Variants in GNA14 observed in about 807,000 individuals in gnomAD.
The protein encoded by GNA14 is guanine nucleotide-binding protein subunit alpha-14.
Under a neutral mutation model 42.0 loss-of-function variants are expected in GNA14, and 50 were observed. The ratio of observed to expected loss-of-function variants is 1.19; its 90% CI spans 0.95 to 1.51. The LOEUF is 1.51. Ranked by LOEUF, GNA14 falls within the 40% of genes most tolerant of loss-of-function variation. The pLI is 0.00. For missense variants in GNA14, 473 were observed against 446.2 expected (o/e 1.06, Z -0.54); for synonymous variants, 173 against 163.1 (o/e 1.06, Z -0.46).
rs921009803 is a variant in GNA14, at chr9:77,449,772, C to G, written c.310-15250G>C. ...GTTAGATTCATTAGTTTAACACCAG[C>G]TAGGCAGGTATAGCCGAGGCTGAGC... On this transcript the variant is annotated intron_variant, in intron 2 of 6. Coordinates refer to ENST00000341700, the MANE Select transcript of GNA14 (RefSeq NM_004297.4). Among the ~76,000 whole-genome samples the G allele has an allele frequency of 2.0e-5, 3 of 152,216 alleles. No homozygotes were observed. In the South Asian group the frequency reaches 6.2e-4, roughly 32 times the overall value.
chr9:77,634,877 GA>G (rs1824156629), intron 1 of GNA14, among the ~76,000 whole-genome samples: 1 of 152,184 alleles, frequency 6.6e-6, no homozygotes, highest in Non-Finnish European at 1.5e-5. Flanking sequence ...AGTGAGCAGA[GA>G]TCTCATGGAG....
chr9:77,473,351 G>A (rs2131722587), intron 2 of GNA14, among the ~76,000 whole-genome samples: 1 of 152,202 alleles, frequency 6.6e-6, no homozygotes, highest in South Asian at 2.1e-4. Flanking sequence ...CAGCTACTTG[G>A]GAGGCTAAAG....
intron 1 of GNA14, among the ~76,000 whole-genome samples, chr9:77,536,350 T>G (rs889233938): frequency 2.0e-5 from 3 of 151,714 alleles, no homozygotes; most frequent in Admixed American, 6.6e-5. Flanking sequence ...GTTAGGTTTT[T>G]TTTGTGTGTG....
intron 1 of GNA14, among the ~76,000 whole-genome samples, chr9:77,530,000 G>C (rs1337804056): frequency 6.6e-6 from 1 of 152,188 alleles, no homozygotes; most frequent in East Asian, 1.9e-4. Context: ...TATTTTCTTT[G>C]ATAAAGATAA....
intron 2 of GNA14, among the ~76,000 whole-genome samples, chr9:77,488,784 T>TAA (rs67416479): frequency 0.021 from 1,117 of 53,636 alleles, 37 homozygotes; most frequent in African/African-American, 0.062. Context: ...CACACCTAAT[T>TAA]AAAAAAAAAA....
At chr9:77,461,286 C>G (rs530019088) in intron 2 of GNA14, among the ~76,000 whole-genome samples, 88 of 152,274 alleles carry the variant, frequency 5.8e-4, no homozygotes, top group Admixed American at 7.2e-4. Flanking sequence ...AATCTCGGCT[C>G]CCACCCCAGA....
At chr9:77,495,988 T>C (rs1836862491) in intron 2 of GNA14, among the ~76,000 whole-genome samples, 1 of 152,186 alleles carries the variant, frequency 6.6e-6, no homozygotes, top group African/African-American at 2.4e-5. Flanking sequence ...AGGGAGGCCC[T>C]AGACTTGCTT....
intron 1 of GNA14, among the ~76,000 whole-genome samples, chr9:77,570,147 G>C (rs889091669): frequency 2.6e-5 from 4 of 152,114 alleles, no homozygotes; most frequent in Non-Finnish European, 5.9e-5. Flanking sequence ...GTTGGAGGAA[G>C]TTAACTTTAA....
intron 1 of GNA14, chr9:77,580,326 C>T (rs1183242610): frequency 1.8e-5 from 6 of 336,966 alleles, no homozygotes; most frequent in East Asian, 7.4e-5. Context: ...AGATACAACC[C>T]GAATAGGTAC....
At chr9:77,441,135 T>C (rs1835727599) in intron 2 of GNA14, among the ~76,000 whole-genome samples, 1 of 152,252 alleles carries the variant, frequency 6.6e-6, no homozygotes, top group Non-Finnish European at 1.5e-5. Context: ...TGCTAACGTA[T>C]TGATATGGTT....
chr9:77,608,259 A>C (rs1278064455), intron 1 of GNA14, among the ~76,000 whole-genome samples: 1 of 152,224 alleles, frequency 6.6e-6, no homozygotes, highest in Non-Finnish European at 1.5e-5. Context: ...GAATGAGAAT[A>C]TCTATATAAC....
chr9:77,490,000 G>A (rs140821461), intron 2 of GNA14, among the ~76,000 whole-genome samples: 3 of 152,200 alleles, frequency 2.0e-5, no homozygotes, highest in African/African-American at 4.8e-5. Context: ...TTCTCAGGGC[G>A]CTGATTGGTG....
At chr9:77,563,871 T>C (rs1471196873) in intron 1 of GNA14, among the ~76,000 whole-genome samples, 3 of 152,160 alleles carry the variant, frequency 2.0e-5, no homozygotes, top group African/African-American at 4.8e-5. Flanking sequence ...GCATTACATG[T>C]TTGTTTGTCA....
At chr9:77,528,035 C>T (rs1837468661) in intron 2 of GNA14, among the ~76,000 whole-genome samples, 1 of 152,160 alleles carries the variant, frequency 6.6e-6, no homozygotes, top group South Asian at 2.1e-4. Flanking sequence ...ATAGTAAAGA[C>T]ATAGATTGTA....
intron 1 of GNA14, among the ~76,000 whole-genome samples, chr9:77,619,126 C>CTT (rs1316751034): frequency 1.3e-5 from 2 of 152,082 alleles, no homozygotes; most frequent in African/African-American, 2.4e-5. Context: ...TTCCACTGAA[C>CTT]TGTAAGAGAA....
intron 2 of GNA14, among the ~76,000 whole-genome samples, chr9:77,489,696 G>A (rs1000357566): frequency 2.0e-5 from 3 of 152,032 alleles, no homozygotes; most frequent in Non-Finnish European, 2.9e-5. Flanking sequence ...AGACCTTCGC[G>A]GTGAGTGTTA....
chr9:77,532,804 G>T (rs1202397326), intron 1 of GNA14, among the ~76,000 whole-genome samples: 1 of 152,142 alleles, frequency 6.6e-6, no homozygotes, highest in African/African-American at 2.4e-5. Context: ...GCATGTGCTG[G>T]TGGAGGGTCC....
chr9:77,566,640 G>GT (rs1207093194), intron 1 of GNA14, among the ~76,000 whole-genome samples: 7 of 152,260 alleles, frequency 4.6e-5, no homozygotes, highest in African/African-American at 1.4e-4. Context: ...GAGTTTGAAA[G>GT]GCTTCAATAT....
chr9:77,490,681 G>A (rs947211653), intron 2 of GNA14, among the ~76,000 whole-genome samples: 5 of 152,224 alleles, frequency 3.3e-5, no homozygotes, highest in African/African-American at 1.2e-4. Flanking sequence ...TCCGAGTGCG[G>A]GGCCTGCCAA....
Sources: allele counts gnomAD v4.1 joint callset (sites outside exome capture counted in the v4.1 genomes callset), GRCh38; gene constraint gnomAD v4.1.1; transcripts MANE v1.5; gene names NCBI Gene and HGNC (gene_info 2026-07-23, HGNC 2026-07-21).